SMOC2: variants seen among roughly 807,000 people sequenced by gnomAD.
SMOC2 encodes the protein SPARC related modular calcium binding 2, also known as SPARC-related modular calcium-binding protein 2.
A neutral mutation model predicts 61.4 loss-of-function variants in SMOC2; 39 were observed. That is an observed-to-expected ratio of 0.64 (90% CI 0.49 to 0.83). The LOEUF (loss-of-function observed/expected upper bound fraction) is 0.83, where lower values mean the gene tolerates loss of function less well. Among genes scored for constraint, SMOC2 ranks in the 40% least tolerant of loss-of-function variants. The pLI is 0.00. For missense variants in SMOC2, 556 were observed against 592.9 expected (o/e 0.94, Z 0.65); for synonymous variants, 247 against 239.9 (o/e 1.03, Z -0.27).
At chr6:168,489,988 A>G (rs964580603) in intron 1 of SMOC2, among the ~76,000 whole-genome samples, 18 of 151,896 alleles carry the variant, frequency 1.2e-4, no homozygotes, top group Non-Finnish European at 2.2e-4. Flanking sequence ...AGGGAAATAT[A>G]TCGAATCATC....
Position 168,636,587 on chromosome 6 carries a change from C to T in SMOC2, c.908-14094C>T, listed in dbSNP as rs537946897. Among the ~76,000 whole-genome samples, 5 of 152,310 alleles carry T rather than the reference C, an allele frequency of 3.3e-5. No individual in the cohort carries two copies. The South Asian group carries it at 8.3e-4, about 25-fold the overall frequency. The stretch of plus-strand genomic sequence containing the variant: ...TAGTTATTTCAGGCACACGGGGACT[C>T]CCCACGAAGGAGTACACACTCACAA... On this transcript the variant is annotated intron_variant, in intron 9 of 12. Coordinates refer to ENST00000356284, the MANE Select transcript of SMOC2 (RefSeq NM_001166412.2).
At position 168,506,670 on chromosome 6, in the gene SMOC2, C is replaced by T. The variant is rs187097924; in HGVS notation, c.85-3245C>T. Among the ~76,000 whole-genome samples the T allele has an allele frequency of 3.3e-5, 5 of 152,252 alleles. No individual in the cohort carries two copies. The East Asian group carries it at 9.7e-4, about 29-fold the overall frequency. ...TGCCCTCCCCCCCACCACTTCCTTA[C>T]ACCTGGGCTCCTCGCACCTGTGCAA... On this transcript the variant is annotated intron_variant, in intron 1 of 12. Transcript: ENST00000356284.
intron 1 of SMOC2, among the ~76,000 whole-genome samples, chr6:168,498,913 T>C (rs28613449): frequency 4.8e-3 from 314 of 65,354 alleles, no homozygotes; most frequent in Middle Eastern, 0.015. Context: ...CATAGCCTGT[T>C]TACTACACAT....
intron 9 of SMOC2, among the ~76,000 whole-genome samples, chr6:168,629,810 T>C (rs1786519441): frequency 6.6e-6 from 1 of 152,222 alleles, no homozygotes; most frequent in Non-Finnish European, 1.5e-5. Flanking sequence ...CTCAGTTTAA[T>C]AGAATAGTAT....
At chr6:168,649,448 C>T (rs776837686) in intron 9 of SMOC2, among the ~76,000 whole-genome samples, 3 of 152,174 alleles carry the variant, frequency 2.0e-5, no homozygotes, top group Non-Finnish European at 2.9e-5. Flanking sequence ...GAGAGTGCAG[C>T]GTGGCTCAGT....
At chr6:168,602,927 G>A (rs1272065330) in intron 8 of SMOC2, among the ~76,000 whole-genome samples, 1 of 152,142 alleles carries the variant, frequency 6.6e-6, no homozygotes, top group Non-Finnish European at 1.5e-5. Context: ...TGAATGGGGA[G>A]TGACAGGGTT....
At chr6:168,510,473 T>C (rs1782980386) in intron 2 of SMOC2, among the ~76,000 whole-genome samples, 2 of 152,248 alleles carry the variant, frequency 1.3e-5, no homozygotes, top group South Asian at 2.1e-4. Flanking sequence ...TTTTATACTC[T>C]CAATTTTCCC....
At chr6:168,657,223 C>T (rs1562408916) in intron 11 of SMOC2, among the ~76,000 whole-genome samples, 1 of 152,226 alleles carries the variant, frequency 6.6e-6, no homozygotes, top group South Asian at 2.1e-4. Context: ...TCACAGCCAT[C>T]CTGAGGGGGA....
intron 4 of SMOC2, among the ~76,000 whole-genome samples, chr6:168,531,908 C>T (rs60679510): frequency 8.0e-4 from 122 of 152,080 alleles, no homozygotes; most frequent in African/African-American, 2.7e-3. Flanking sequence ...GGAAGTCGGG[C>T]GTAGGAGAAT....
intron 2 of SMOC2, among the ~76,000 whole-genome samples, chr6:168,516,715 G>A (rs1783143166): frequency 6.6e-6 from 1 of 152,144 alleles, no homozygotes. Context: ...TTATTATTAA[G>A]ATTATTAGGC....
chr6:168,650,022 G>A (rs934649626), intron 9 of SMOC2, among the ~76,000 whole-genome samples: 1 of 152,154 alleles, frequency 6.6e-6, no homozygotes, highest in Non-Finnish European at 1.5e-5. Context: ...GGAGAGTGGT[G>A]TTGAGGGAAG....
At chr6:168,612,424 T>A (rs1399114000) in intron 9 of SMOC2, among the ~76,000 whole-genome samples, 1 of 133,800 alleles carries the variant, frequency 7.5e-6, no homozygotes, top group Non-Finnish European at 1.6e-5. Flanking sequence ...AGCCTTTACC[T>A]GAAGAGCAGT....
At chr6:168,464,302 G>A (rs939559079) in intron 1 of SMOC2, among the ~76,000 whole-genome samples, 2 of 151,916 alleles carry the variant, frequency 1.3e-5, no homozygotes, top group African/African-American at 2.4e-5. Flanking sequence ...AAGGACGGAC[G>A]GAAGGAAGGA....
intron 7 of SMOC2, among the ~76,000 whole-genome samples, chr6:168,570,766 G>C (rs1414831510): frequency 6.6e-6 from 1 of 152,214 alleles, no homozygotes; most frequent in Non-Finnish European, 1.5e-5. Flanking sequence ...TAATGACTAA[G>C]AAGCGTATTT....
At chr6:168,636,957 T>C (rs1176044981) in intron 9 of SMOC2, among the ~76,000 whole-genome samples, 21 of 117,990 alleles carry the variant, frequency 1.8e-4, no homozygotes, top group African/African-American at 7.0e-4. Context: ...CCCTCCTCTT[T>C]CCTCCCTCCT....
At chr6:168,650,809 C>G in intron 10 of SMOC2, 26 bp downstream of exon 10, 1 of 1,590,640 alleles carries the variant, frequency 6.3e-7, no homozygotes, top group East Asian at 2.3e-5. Context: ...CGTGGGACAA[C>G]AAGTTGGCAG....
intron 9 of SMOC2, among the ~76,000 whole-genome samples, chr6:168,615,260 CCTTTTCACACCT>C (rs1308867939): frequency 2.2e-5 from 2 of 90,056 alleles, no homozygotes; most frequent in Non-Finnish European, 2.3e-5. Flanking sequence ...CAGCACGGGG[CCTTTTCACACCT>C]ACAGCCAGCA....
At chr6:168,498,435 G>A (rs758320121) in intron 1 of SMOC2, among the ~76,000 whole-genome samples, 6 of 151,696 alleles carry the variant, frequency 4.0e-5, no homozygotes, top group Admixed American at 6.6e-5. Context: ...GCTGTCCGGC[G>A]GGTAGTTTAG....
At chr6:168,570,445 A>C (rs1784639066) in intron 7 of SMOC2, among the ~76,000 whole-genome samples, 1 of 152,166 alleles carries the variant, frequency 6.6e-6, no homozygotes, top group Non-Finnish European at 1.5e-5. Flanking sequence ...CTGGAAATAA[A>C]AGCACCCAAC....
Sources: allele counts gnomAD v4.1 joint callset (sites outside exome capture counted in the v4.1 genomes callset), GRCh38; gene constraint gnomAD v4.1.1; transcripts MANE v1.5; gene names NCBI Gene and HGNC (gene_info 2026-07-23, HGNC 2026-07-21).